ERFL: variants seen among roughly 807,000 people sequenced by gnomAD.
ERFL encodes the protein ETS repressor factor like.
Under a neutral mutation model 27.9 loss-of-function variants are expected in ERFL, and 8 were observed. The ratio of observed to expected loss-of-function variants is 0.29; its 90% confidence interval spans 0.17 to 0.52. ERFL has a LOEUF of 0.52. ERFL is among the 20% of genes least tolerant of loss of function. The pLI is 0.97. For missense variants in ERFL, 294 were observed against 444.4 expected (o/e 0.66, Z 3.04); for synonymous variants, 174 against 202.8 (o/e 0.86, Z 1.21).
At chr19:41,919,473 G>C (rs915975942) in intron 1 of ERFL, among the ~76,000 whole-genome samples, 1 of 151,600 alleles carries the variant, frequency 6.6e-6, no homozygotes, top group African/African-American at 2.4e-5. Flanking sequence ...GGTACATTCA[G>C]CTCCTACAAA....
Position 41,926,883 on chromosome 19 carries a change from G to GGAGACAGAGACAGAGATGCTGGGA in ERFL, c.-14+1133_-14+1156dup, listed in dbSNP as rs1555853319. On this transcript the variant is annotated intron_variant, in intron 1 of 5. Coordinates refer to ENST00000597630, the MANE Select transcript of ERFL (RefSeq NM_001365103.2). ...TAATCTGAGCGGAAACCAGCGAGGG[G>GGAGACAGAGACAGAGATGCTGGGA]GAGACAGAGACAGAGATGCTGGGAG... Among the ~76,000 whole-genome samples, 8 of 152,216 alleles carry GGAGACAGAGACAGAGATGCTGGGA rather than the reference G, an allele frequency of 5.3e-5. No individual in the cohort carries two copies. The South Asian group carries it at 1.7e-3, about 32-fold the overall frequency.
intron 1 of ERFL, among the ~76,000 whole-genome samples, chr19:41,915,711 GTC>G (rs1168464399): frequency 6.6e-6 from 1 of 151,982 alleles, no homozygotes; most frequent in Non-Finnish European, 1.5e-5. Flanking sequence ...CTATGTCTCT[GTC>G]TCTGTTTCTG....
Position 41,910,181 on chromosome 19 carries a change from G to A in ERFL, c.68-84C>T. 7.5e-7 allele frequency: 1 copy of A among 1,326,314 alleles called. No homozygotes were observed. The highest frequency in any genetic ancestry group is 2.3e-5 in the Admixed American group (1 of 43,172). The allele number at this position is 1,326,314 out of a possible 1,614,324, so 82.2% of individuals were successfully genotyped here. ...TCCTGCTGGACTCAGTAACCTGGGA[G>A]GCATGTAGTTCTCCTCCAGTCTCAG... On this transcript the variant is annotated intron_variant, in intron 2 of 5. Transcript: ENST00000597630. The surrounding 1 kb of genome is among the most constrained non-coding windows in gnomAD (Gnocchi z 4.4).
chr19:41,920,865 G>A (rs560124438), intron 1 of ERFL, among the ~76,000 whole-genome samples: 1 of 152,226 alleles, frequency 6.6e-6, no homozygotes. Flanking sequence ...GAGACAGAGA[G>A]GCCTGTGGGT....
intron 1 of ERFL, 45 bp downstream of exon 1, chr19:41,927,995 C>G (rs562356552): frequency 2.6e-5 from 4 of 151,230 alleles, no homozygotes; most frequent in Non-Finnish European, 4.4e-5. Context: ...GGGCGGGAAT[C>G]CCCGCCCCCT....
chr19:41,920,224 ACTCAGACGTGACGTG>A (rs2074833131), intron 1 of ERFL, among the ~76,000 whole-genome samples: 1 of 125,698 alleles, frequency 8.0e-6, no homozygotes. Flanking sequence ...CAGACGTGAC[ACTCAGACGTGACGTG>A]CTCAGACGTG....
chr19:41,920,259 C>A (rs564195422), intron 1 of ERFL, among the ~76,000 whole-genome samples: 39 of 132,978 alleles, frequency 2.9e-4, no homozygotes, highest in Non-Finnish European at 5.7e-4. Flanking sequence ...GAGGCACAGA[C>A]ATGACATGCT....
chr19:41,928,394 C>T lies in ERFL; in HGVS notation c.-368G>A, dbSNP rs2074884789. 1 of 153,496 alleles carries T rather than the reference C, an allele frequency of 6.5e-6. No homozygotes were observed. The highest frequency in any genetic ancestry group is 1.4e-5 in the Non-Finnish European group (1 of 68,994). The allele number at this position is 153,496 out of a possible 1,614,324, so 9.5% of individuals were successfully genotyped here. A position where few individuals can be genotyped will look rare whatever the true frequency, so the allele number is the denominator to read the frequency against. ...CCGGGCTGGAGCTCAGCACAGCGAG[C>T]GCGGGCGGGCGCGCGCCGGGGACAG... is the stretch of plus-strand genomic sequence containing the variant. On this transcript the variant is annotated 5_prime_UTR_variant, in exon 1 of 6. Transcript: ENST00000597630.
chr19:41,923,255 C>T (rs763110976), intron 1 of ERFL: 72 of 446,664 alleles, frequency 1.6e-4, no homozygotes, highest in Non-Finnish European at 2.9e-4. Flanking sequence ...TCTAGGCCCC[C>T]GATATTTGTA....
At chr19:41,912,986 C>T (rs2074762857) in intron 1 of ERFL, 54 bp from the exon 2 acceptor site, 3 of 830,536 alleles carry the variant, frequency 3.6e-6, no homozygotes, top group Admixed American at 4.3e-5. Context: ...GAGACAGACA[C>T]AGGTCAGCCA....
rs989102612 is a variant in ERFL at position 41,908,558 on chromosome 19, A to C, written c.735T>G (p.Ser245=). 1.5e-5 allele frequency: 18 copies of C among 1,231,614 alleles called. No individual in the cohort carries two copies. The African/African-American group carries it at 1.9e-4, about 13-fold the overall frequency. 76.3% of individuals were successfully genotyped at this position (1,231,614 alleles called of 1,614,324 possible). ...LTGPFPKLPP[S]LYPPHFYPNP... Reference sequence around the variant, plus strand: ...TGGGGTAGAAATGCGGGGGGTAGAGAGAGGGAGGCAGCTTGGGGAAGGGGC... The same window carrying C: ...TGGGGTAGAAATGCGGGGGGTAGAGCGAGGGAGGCAGCTTGGGGAAGGGGC... The change falls in exon 6 of 6, where the codon TCT becomes TCG. Residue 245 remains serine (S), a synonymous_variant. Coordinates refer to ENST00000597630, the MANE Select transcript of ERFL (RefSeq NM_001365103.2). This position sits in a 1 kb window ranked among gnomAD's most constrained non-coding sequence, Gnocchi z 6.7.
At chr19:41,912,997 G>C in intron 1 of ERFL, 65 bp from the exon 2 acceptor site, 4 of 715,422 alleles carry the variant, frequency 5.6e-6, no homozygotes, top group Non-Finnish European at 5.8e-6. Flanking sequence ...AGGTCAGCCA[G>C]CGGGGCGCTG....
At chr19:41,920,247 G>A (rs1229913501) in intron 1 of ERFL, among the ~76,000 whole-genome samples, 6 of 108,786 alleles carry the variant, frequency 5.5e-5, no homozygotes, top group Admixed American at 2.5e-4. Flanking sequence ...GTGCTCAGAC[G>A]TGAGGCACAG....
intron 1 of ERFL, chr19:41,923,355 CTG>C (rs1442834452): frequency 2.8e-6 from 1 of 352,334 alleles, no homozygotes; most frequent in Non-Finnish European, 5.6e-6. Context: ...TATGGAGAAA[CTG>C]AGAGAGAGTC....
At chr19:41,918,781 A>G (rs1297698813) in intron 1 of ERFL, among the ~76,000 whole-genome samples, 1 of 149,874 alleles carries the variant, frequency 6.7e-6, no homozygotes, top group Non-Finnish European at 1.5e-5. Flanking sequence ...CACACATACC[A>G]CACACTGCAT....
chr19:41,915,279 G>A (rs905556983), intron 1 of ERFL, among the ~76,000 whole-genome samples: 6 of 150,746 alleles, frequency 4.0e-5, no homozygotes, highest in South Asian at 2.1e-4. Flanking sequence ...CGCTCCCCCC[G>A]CCGTGTCTCA....
Position 41,921,605 on chromosome 19 carries a change from G to A in ERFL, c.-14+6435C>T, listed in dbSNP as rs577812309. Reference sequence around the variant, plus strand: ...AGTAGATTAGAAAGCTGGAGGTCACGGGAGAGCGAGGGCCGCACCGGAGAC... The same window carrying A: ...AGTAGATTAGAAAGCTGGAGGTCACAGGAGAGCGAGGGCCGCACCGGAGAC... On this transcript the variant is annotated intron_variant, in intron 1 of 5. Coordinates refer to ENST00000597630, the MANE Select transcript of ERFL (RefSeq NM_001365103.2). This position sits in a 1 kb window ranked among gnomAD's most constrained non-coding sequence, Gnocchi z 4.4. Among the ~76,000 whole-genome samples the A allele has an allele frequency of 1.3e-5, 2 of 152,224 alleles. No homozygotes were observed. The highest frequency in any genetic ancestry group is 2.1e-4 in the South Asian group (1 of 4,828).
Position 41,916,072 on chromosome 19 carries a change from G to A in ERFL, c.-13-3140C>T, listed in dbSNP as rs544295220. On this transcript the variant is annotated intron_variant, in intron 1 of 5. Coordinates refer to ENST00000597630, the MANE Select transcript of ERFL (RefSeq NM_001365103.2). This position sits in a 1 kb window ranked among gnomAD's most constrained non-coding sequence, Gnocchi z 5.4. ...CAGCCATGGCACCGAATGTGTGTGC[G>A]CATGTGAGCGAAGCGGTGTGCAGAG... is the stretch of plus-strand genomic sequence containing the variant. 4.0e-5 allele frequency among the ~76,000 whole-genome samples: 6 copies of A among 151,548 alleles called. No homozygotes were observed. Among genetic ancestry groups the A allele is most frequent in the Non-Finnish European group, 8.8e-5 (6 of 67,940 alleles).
Position 41,907,853 on chromosome 19 carries a change from T to TG in ERFL, c.*374dup, listed in dbSNP as rs11315010. ...CTCCCTGTCCCCAGGGGGGCCTATA[T>TG]GGGGGGGGTGTCAGGACTGGGGCCA... is the stretch of plus-strand genomic sequence containing the variant. On this transcript the variant is annotated 3_prime_UTR_variant, in exon 6 of 6. Coordinates refer to ENST00000597630, the MANE Select transcript of ERFL (RefSeq NM_001365103.2). The TG allele has an allele frequency of 3.5e-3, 490 of 141,260 alleles. 1 individual carries two copies. Among genetic ancestry groups the TG allele is most frequent in the Middle Eastern group, 8.5e-3 (3 of 354 alleles). The allele number at this position is 141,260 out of a possible 1,614,324, so 8.8% of individuals were successfully genotyped here.
Sources: gnomAD v4.1 joint callset for allele counts (sites outside exome capture counted in the v4.1 genomes callset) on GRCh38, gnomAD v4.1.1 for gene constraint, Gnocchi (gnomAD v3.1) non-coding constraint, MANE v1.5 for transcripts, NCBI Gene and HGNC (gene_info 2026-07-23, HGNC 2026-07-21) for gene names.